The following HOOK3 variants were observed in gnomAD, a reference collection of about 807,000 sequenced individuals.
HOOK3 encodes hook microtubule tethering protein 3.
Under a neutral mutation model 116.3 loss-of-function variants are expected in HOOK3, and 24 were observed. That is an observed-to-expected ratio of 0.21 (90% CI 0.15 to 0.29). HOOK3 has a LOEUF of 0.29. Ranked by LOEUF, HOOK3 falls within the 10% of genes least tolerant of loss-of-function variation. HOOK3 has a pLI of 1.00. For missense variants in HOOK3, 632 were observed against 830.2 expected (o/e 0.76, Z 2.93); for synonymous variants, 275 against 283.0 (o/e 0.97, Z 0.28).
intron 15 of HOOK3, among the ~76,000 whole-genome samples, chr8:42,995,083 T>C (rs1039256796): frequency 6.6e-6 from 1 of 152,242 alleles, no homozygotes; most frequent in Non-Finnish European, 1.5e-5. Context: ...TTTATTCTTT[T>C]GTTACTCAAA....
In HOOK3 at chr8:43,025,494, TC is replaced by T. The variant is rs1389372109; in HGVS notation, c.*6998del. On this transcript the variant is annotated 3_prime_UTR_variant, in exon 22 of 22. Transcript: ENST00000307602. The stretch of plus-strand genomic sequence containing the variant: ...TCCCAAAGCAATAGTTTGCCTAAAA[TC>T]CTCTGTATTACATGATTATTCAGTA... 1 of 213,600 alleles carries T rather than the reference TC, an allele frequency of 4.7e-6. No individual in the cohort carries two copies. Among genetic ancestry groups the T allele is most frequent in the Non-Finnish European group, 9.5e-6 (1 of 105,730 alleles). The allele number at this position is 213,600 out of a possible 1,614,324, so 13.2% of individuals were successfully genotyped here.
At chr8:42,971,112 C>T (rs113049388) in intron 11 of HOOK3, among the ~76,000 whole-genome samples, 15 of 151,664 alleles carry the variant, frequency 9.9e-5, no homozygotes, top group African/African-American at 3.6e-4. Flanking sequence ...TATTCCATAT[C>T]CTTTTTTTTC....
intron 2 of HOOK3, among the ~76,000 whole-genome samples, chr8:42,919,374 C>T (rs1807603199): frequency 6.6e-6 from 1 of 150,674 alleles, no homozygotes; most frequent in African/African-American, 2.5e-5. Context: ...GCGCTCTTCA[C>T]ATCTCAGACG....
intron 12 of HOOK3, 124 bp from the exon 13 acceptor site, chr8:42,973,983 A>G: frequency 1.4e-6 from 1 of 732,642 alleles, no homozygotes; most frequent in East Asian, 2.5e-5. Context: ...TTCCATAGAA[A>G]AGCAAAAGGT....
chr8:43,003,718 A>G (rs1324361381), intron 17 of HOOK3, among the ~76,000 whole-genome samples: 3 of 152,142 alleles, frequency 2.0e-5, no homozygotes, highest in Admixed American at 6.6e-5. Context: ...TGAGGTTTGG[A>G]GGGACAATCT....
chr8:43,005,171 A>G (rs1430020350), intron 17 of HOOK3, among the ~76,000 whole-genome samples: 1 of 145,830 alleles, frequency 6.9e-6, no homozygotes, highest in Non-Finnish European at 1.5e-5. Context: ...AAATTGCACA[A>G]AATTAAGTGC....
chr8:43,000,252 G>C (rs1206883575), intron 16 of HOOK3: 29 of 1,283,514 alleles, frequency 2.3e-5, no homozygotes, highest in Non-Finnish European at 2.8e-5. Flanking sequence ...TCTGTCTCTT[G>C]GCATGGTTTC....
intron 17 of HOOK3, among the ~76,000 whole-genome samples, chr8:43,005,569 T>A (rs1809469024): frequency 6.6e-6 from 1 of 152,038 alleles, no homozygotes; most frequent in South Asian, 2.1e-4. Flanking sequence ...AAAACCATCA[T>A]GAATTTAATG....
In HOOK3 at chr8:43,021,104, GAAAAAAAAAA is replaced by G. The variant is rs34161624; in HGVS notation, c.*2626_*2635del. The G allele has an allele frequency of 6.5e-4, 21 of 32,282 alleles. No homozygotes were observed. In the East Asian group the frequency reaches 7.2e-3, roughly 11 times the overall value. The allele number at this position is 32,282 out of a possible 1,614,324, so 2.0% of individuals were successfully genotyped here. ...CGACAAGAGCGAAACTCTGTCGCAA[GAAAAAAAAAA>G]AAAAAAAAAAAAAAAAAAACAGTCT... On this transcript the variant is annotated 3_prime_UTR_variant, in exon 22 of 22. Coordinates refer to ENST00000307602, the MANE Select transcript of HOOK3 (RefSeq NM_032410.4).
At chr8:42,960,692 C>G (rs925462662) in intron 8 of HOOK3, among the ~76,000 whole-genome samples, 2 of 152,126 alleles carry the variant, frequency 1.3e-5, no homozygotes, top group South Asian at 2.1e-4. Context: ...CCAACCTCAG[C>G]TCAAAAATCA....
chr8:42,975,703 C>A (rs886099700), intron 13 of HOOK3, among the ~76,000 whole-genome samples: 1 of 152,076 alleles, frequency 6.6e-6, no homozygotes, highest in East Asian at 1.9e-4. Context: ...TAATACTTAC[C>A]TTAAGATAGA....
At chr8:42,966,074 CT>C (rs572486319) in intron 9 of HOOK3, among the ~76,000 whole-genome samples, 18 of 152,056 alleles carry the variant, frequency 1.2e-4, no homozygotes, top group Non-Finnish European at 2.4e-4. Flanking sequence ...ACTCTTCTCA[CT>C]TTTTTTGTTT....
chr8:42,994,467 G>T (rs934419114), intron 15 of HOOK3: 3 of 409,210 alleles, frequency 7.3e-6, no homozygotes, highest in Admixed American at 5.5e-5. Flanking sequence ...TCTTACTACG[G>T]CTTTTGCTGT....
At chr8:42,948,054 G>A (rs150129278) in intron 5 of HOOK3, among the ~76,000 whole-genome samples, 75 of 152,200 alleles carry the variant, frequency 4.9e-4, no homozygotes, top group Non-Finnish European at 9.0e-4. Flanking sequence ...AAGATTAGTA[G>A]TAGAAGACAC....
intron 8 of HOOK3, among the ~76,000 whole-genome samples, chr8:42,963,600 T>G (rs1295416824): frequency 6.6e-6 from 1 of 152,254 alleles, no homozygotes; most frequent in African/African-American, 2.4e-5. Context: ...CTAAACTATT[T>G]TCCAAAATGT....
chr8:42,922,038 GGTAA>G (rs1175570745), intron 2 of HOOK3, among the ~76,000 whole-genome samples: 1 of 152,118 alleles, frequency 6.6e-6, no homozygotes, highest in East Asian at 1.9e-4. Flanking sequence ...AACAAAAATA[GGTAA>G]GTATGATTAT....
At chr8:42,987,823 GT>G (rs907139496) in intron 15 of HOOK3, among the ~76,000 whole-genome samples, 7 of 151,016 alleles carry the variant, frequency 4.6e-5, no homozygotes, top group African/African-American at 7.3e-5. Flanking sequence ...CAAACATACA[GT>G]TTTTTTTTCT....
chr8:42,907,803 C>T (rs118159606), intron 2 of HOOK3, among the ~76,000 whole-genome samples: 65 of 121,252 alleles, frequency 5.4e-4, no homozygotes, highest in Non-Finnish European at 9.3e-4. Context: ...CAGTCTTTAC[C>T]GGAGCAACGA....
chr8:42,999,251 G>T (rs186809380), intron 16 of HOOK3, among the ~76,000 whole-genome samples: 4 of 152,174 alleles, frequency 2.6e-5, no homozygotes, highest in Admixed American at 2.6e-4. Flanking sequence ...TATGCTGTGG[G>T]CCATTACTTT....
Sources: allele counts gnomAD v4.1 joint callset (sites outside exome capture counted in the v4.1 genomes callset), GRCh38; gene constraint gnomAD v4.1.1; transcripts MANE v1.5; gene names NCBI Gene and HGNC (gene_info 2026-07-23, HGNC 2026-07-21).